The following GPC5 variants were observed in gnomAD, a reference collection of about 807,000 sequenced individuals.
GPC5 encodes glypican-5.
Under a neutral mutation model 53.9 loss-of-function variants are expected in GPC5, and 47 were observed. The ratio of observed to expected loss-of-function variants is 0.87; its 90% CI spans 0.69 to 1.11. The LOEUF (loss-of-function observed/expected upper bound fraction) is 1.11, where lower values mean the gene tolerates loss of function less well. GPC5 is among the 50% of genes most tolerant of loss of function. The pLI is 0.00. For synonymous variants in GPC5, 286 were observed against 263.3 expected (o/e 1.09, Z -0.84); for missense variants, 748 against 713.1 (o/e 1.05, Z -0.56).
At chr13:91,987,646 G>A (rs2040420562) in intron 6 of GPC5, among the ~76,000 whole-genome samples, 1 of 150,512 alleles carries the variant, frequency 6.6e-6, no homozygotes, top group South Asian at 2.1e-4. Context: ...ATGAAATTTG[G>A]GAATTGTCAG....
intron 7 of GPC5, among the ~76,000 whole-genome samples, chr13:92,630,979 A>G (rs892226669): frequency 3.3e-5 from 5 of 152,164 alleles, no homozygotes; most frequent in Non-Finnish European, 7.4e-5. Flanking sequence ...CCAGATAAGT[A>G]ATAGTAAAAT....
intron 7 of GPC5, among the ~76,000 whole-genome samples, chr13:92,839,550 G>T (rs1391717173): frequency 6.6e-6 from 1 of 152,006 alleles, no homozygotes; most frequent in East Asian, 1.9e-4. Flanking sequence ...GAAAACATGT[G>T]GTATTTGATT....
At chr13:92,048,912 A>G (rs1029136388) in intron 6 of GPC5, among the ~76,000 whole-genome samples, 4 of 152,166 alleles carry the variant, frequency 2.6e-5, no homozygotes, top group Non-Finnish European at 5.9e-5. Context: ...AGACACAACA[A>G]CTCATTGTTA....
At chr13:91,427,818 A>G (rs1686153317) in intron 1 of GPC5, among the ~76,000 whole-genome samples, 1 of 151,708 alleles carries the variant, frequency 6.6e-6, no homozygotes, top group African/African-American at 2.4e-5. Context: ...ACCTGGGGGG[A>G]AGTGATTAGG....
At chr13:92,753,658 A>G (rs918194952) in intron 7 of GPC5, among the ~76,000 whole-genome samples, 1 of 152,200 alleles carries the variant, frequency 6.6e-6, no homozygotes, top group Non-Finnish European at 1.5e-5. Context: ...GCTGAAAACC[A>G]AGGCTCGAGA....
chr13:92,044,633 T>C (rs978273464), intron 6 of GPC5, among the ~76,000 whole-genome samples: 4 of 152,222 alleles, frequency 2.6e-5, no homozygotes, highest in Non-Finnish European at 5.9e-5. Flanking sequence ...TTTTTCTGTC[T>C]GGCTCTGGCA....
chr13:92,026,927 G>C (rs2040805823), intron 6 of GPC5, among the ~76,000 whole-genome samples: 1 of 152,110 alleles, frequency 6.6e-6, no homozygotes, highest in Admixed American at 6.6e-5. Context: ...TGGGTATTTA[G>C]CAATTTTAAC....
intron 7 of GPC5, among the ~76,000 whole-genome samples, chr13:92,292,500 T>C (rs2043004920): frequency 6.6e-6 from 1 of 152,226 alleles, no homozygotes; most frequent in African/African-American, 2.4e-5. Context: ...TCTATTCATG[T>C]CCTTAGCCCA....
intron 5 of GPC5, among the ~76,000 whole-genome samples, chr13:91,894,776 C>G (rs1381144837): frequency 6.6e-6 from 1 of 151,998 alleles, no homozygotes; most frequent in Non-Finnish European, 1.5e-5. Flanking sequence ...AAATGAAACC[C>G]AAATCAGAGT....
chr13:91,659,007 T>C (rs576586935), intron 2 of GPC5, among the ~76,000 whole-genome samples: 1 of 152,332 alleles, frequency 6.6e-6, no homozygotes, highest in East Asian at 1.9e-4. Flanking sequence ...TTTTACTATT[T>C]GTAATCTGTG....
At chr13:91,715,770 GTCTCTCTCTCTC>G (rs55859912) in intron 3 of GPC5, among the ~76,000 whole-genome samples, 2 of 132,818 alleles carry the variant, frequency 1.5e-5, no homozygotes, top group African/African-American at 2.8e-5. Context: ...TTAAGATAGG[GTCTCTCTCTCTC>G]TCTCTCTCTC....
intron 7 of GPC5, among the ~76,000 whole-genome samples, chr13:92,373,783 T>C (rs1263795429): frequency 6.6e-6 from 1 of 152,200 alleles, no homozygotes; most frequent in East Asian, 1.9e-4. Context: ...CAGCTCCAGC[T>C]AGTTTCATTT....
At chr13:92,547,005 AC>A (rs1392620119) in intron 7 of GPC5, among the ~76,000 whole-genome samples, 2 of 152,328 alleles carry the variant, frequency 1.3e-5, no homozygotes, top group African/African-American at 4.8e-5. Context: ...TACACCTTAT[AC>A]AAAAATTAAT....
intron 7 of GPC5, among the ~76,000 whole-genome samples, chr13:92,493,595 G>T (rs1879848862): frequency 6.6e-6 from 1 of 152,184 alleles, no homozygotes; most frequent in South Asian, 2.1e-4. Flanking sequence ...TTAATCCTCA[G>T]TCTCAAGGTC....
chr13:92,611,274 A>G (rs916311907), intron 7 of GPC5, among the ~76,000 whole-genome samples: 5 of 152,150 alleles, frequency 3.3e-5, no homozygotes, highest in Non-Finnish European at 7.4e-5. Context: ...TAAGAGGTAC[A>G]AAGAAAAAGA....
intron 2 of GPC5, among the ~76,000 whole-genome samples, chr13:91,505,390 G>A: frequency 6.6e-6 from 1 of 152,174 alleles, no homozygotes; most frequent in East Asian, 1.9e-4. Context: ...AAATGTAATA[G>A]ATGTAAACCC....
intron 7 of GPC5, among the ~76,000 whole-genome samples, chr13:92,586,204 C>T (rs1398637892): frequency 1.3e-5 from 2 of 152,248 alleles, no homozygotes; most frequent in East Asian, 3.9e-4. Flanking sequence ...TCCCTGAAAA[C>T]ATTATGGTTA....
At chr13:91,672,783 G>T (rs139635638) in intron 2 of GPC5, among the ~76,000 whole-genome samples, 1 of 152,128 alleles carries the variant, frequency 6.6e-6, no homozygotes, top group Non-Finnish European at 1.5e-5. Flanking sequence ...ACATGCATAC[G>T]TATGTTTATT....
At chr13:92,454,666 G>T (rs1208455455) in intron 7 of GPC5, among the ~76,000 whole-genome samples, 1 of 152,142 alleles carries the variant, frequency 6.6e-6, no homozygotes, top group African/African-American at 2.4e-5. Flanking sequence ...TCTTGACATG[G>T]TATGCATTTG....
Sources: gnomAD v4.1 joint callset for allele counts (sites outside exome capture counted in the v4.1 genomes callset) on GRCh38, gnomAD v4.1.1 for gene constraint, MANE v1.5 for transcripts, NCBI Gene and HGNC (gene_info 2026-07-23, HGNC 2026-07-21) for gene names.